TMPRSS15: variants seen among roughly 807,000 people sequenced by gnomAD.
The protein encoded by TMPRSS15 is enteropeptidase.
A neutral mutation model predicts 125.3 loss-of-function variants in TMPRSS15; 128 were observed. That is an observed-to-expected ratio of 1.02 (90% CI 0.89 to 1.18). The LOEUF (loss-of-function observed/expected upper bound fraction) is 1.18, where lower values mean the gene tolerates loss of function less well. Among genes scored for constraint, TMPRSS15 ranks in the 50% most tolerant of loss-of-function variants. The probability of loss-of-function intolerance (pLI) is 0.00; values close to 1 mark genes in which losing one functional copy is unlikely to be tolerated. For missense variants in TMPRSS15, 1,283 were observed against 1,212.7 expected (o/e 1.06, Z -0.86); for synonymous variants, 446 against 423.2 (o/e 1.05, Z -0.66).
At chr21:18,358,670 T>C (rs1449704324) in intron 8 of TMPRSS15, among the ~76,000 whole-genome samples, 1 of 151,986 alleles carries the variant, frequency 6.6e-6, no homozygotes, top group Non-Finnish European at 1.5e-5. Context: ...GATTTCTGCC[T>C]CCAACACTGT....
rs1429773607 is a variant in TMPRSS15 at position 18,341,443 on chromosome 21, A to T, written c.1534T>A (p.Leu512Met). ...AGTTCTGGTGGAGGAGTTGGCACCA[A>T]AGTTGGTTCTGGATAAAGACTCCCA... ...CNGSLYPEPTLVPTPPPELPT... is the reference protein window; with the variant it reads ...CNGSLYPEPTMVPTPPPELPT... Residue 512 changes from leucine to methionine, a missense_variant, in exon 13 of 25, where the codon TTG becomes ATG. Leu to Met is a conservative substitution (Grantham distance 15, BLOSUM62 2). Transcript: ENST00000284885. 1 of 1,614,144 alleles carries T rather than the reference A, an allele frequency of 6.2e-7. No homozygotes were observed. Among genetic ancestry groups the T allele is most frequent in the South Asian group, 1.1e-5 (1 of 91,084 alleles).
intron 1 of TMPRSS15, among the ~76,000 whole-genome samples, chr21:18,424,285 C>T (rs2076198195): frequency 6.6e-6 from 1 of 152,164 alleles, no homozygotes; most frequent in South Asian, 2.1e-4. Flanking sequence ...CTTTTTCATG[C>T]TATTCAAATC....
chr21:18,307,657 G>GAAT (rs148604339), intron 18 of TMPRSS15, among the ~76,000 whole-genome samples: 1,915 of 152,012 alleles, frequency 0.013, 35 homozygotes, highest in African/African-American at 0.042. Flanking sequence ...TCTGACCCAG[G>GAAT]AATAATAATA....
chr21:18,347,586 G>A (rs967724737), intron 10 of TMPRSS15, among the ~76,000 whole-genome samples: 1 of 152,038 alleles, frequency 6.6e-6, no homozygotes, highest in African/African-American at 2.4e-5. Flanking sequence ...AGAACTTTTG[G>A]AAACAAGAAA....
chr21:18,316,640 A>AAGAAGAAACTGGGTAG (rs1569003314), intron 16 of TMPRSS15, among the ~76,000 whole-genome samples: 1 of 152,206 alleles, frequency 6.6e-6, no homozygotes, highest in Non-Finnish European at 1.5e-5. Flanking sequence ...AACCTGGGCA[A>AAGAAGAAACTGGGTAG]AGAAGAAACT....
chr21:18,391,547 C>A (rs1045637383), intron 3 of TMPRSS15, among the ~76,000 whole-genome samples: 10 of 152,340 alleles, frequency 6.6e-5, no homozygotes, highest in African/African-American at 2.4e-4. Context: ...CGGTCTTGGG[C>A]AGCTCCACCC....
chr21:18,338,194 A>T (rs2075411705), intron 13 of TMPRSS15, among the ~76,000 whole-genome samples: 1 of 152,128 alleles, frequency 6.6e-6, no homozygotes. Context: ...GATGTAAAAA[A>T]GTTACCTCAA....
At chr21:18,318,289 C>T (rs779891248) in intron 16 of TMPRSS15, among the ~76,000 whole-genome samples, 5 of 152,064 alleles carry the variant, frequency 3.3e-5, no homozygotes, top group Admixed American at 2.0e-4. Context: ...GGTGTATTGT[C>T]TATAGTGCAA....
chr21:18,333,811 A>C (rs1361303402), intron 13 of TMPRSS15, among the ~76,000 whole-genome samples: 2 of 152,056 alleles, frequency 1.3e-5, no homozygotes, highest in Non-Finnish European at 2.9e-5. Flanking sequence ...AATTCTTAAC[A>C]TACTTTGTTG....
At chr21:18,278,941 T>G in intron 23 of TMPRSS15, 23 bp downstream of exon 23, 2 of 968,542 alleles carry the variant, frequency 2.1e-6, no homozygotes, top group Non-Finnish European at 3.1e-6. Context: ...TTTTTTTTTT[T>G]TTTTTTGAGT....
chr21:18,405,194 CAT>C (rs911525666), upstream of TMPRSS15, among the ~76,000 whole-genome samples: 1 of 152,154 alleles, frequency 6.6e-6, no homozygotes, highest in African/African-American at 2.4e-5. Context: ...AGTGAGTTCA[CAT>C]GTCTGCTTCA....
chr21:18,443,847 C>T (rs558037208), intron 1 of TMPRSS15, among the ~76,000 whole-genome samples: 13 of 152,326 alleles, frequency 8.5e-5, no homozygotes, highest in East Asian at 5.8e-4. Flanking sequence ...CTAGCAGTAC[C>T]GCTTTTGTGT....
rs2146914636 is a variant in TMPRSS15, at chr21:18,302,143, A to G, written c.2166-4314T>C. Reference sequence around the variant, plus strand: ...TGGACACACTAAAGCTAAAAAGAATAATAATGCATGCTGCAAATACTGCAA... The same window carrying G: ...TGGACACACTAAAGCTAAAAAGAATGATAATGCATGCTGCAAATACTGCAA... On this transcript the variant is annotated intron_variant, in intron 18 of 24. Transcript: ENST00000284885. Among the ~76,000 whole-genome samples the G allele has an allele frequency of 2.0e-5, 3 of 152,352 alleles. 1 individual carries two copies. The East Asian group carries it at 5.8e-4, about 29-fold the overall frequency.
chr21:18,313,630 A>G (rs1365020167), intron 17 of TMPRSS15, among the ~76,000 whole-genome samples: 1 of 151,884 alleles, frequency 6.6e-6, no homozygotes, highest in African/African-American at 2.4e-5. Context: ...TAATATTTCG[A>G]GTTTAGAGAT....
intron 3 of TMPRSS15, among the ~76,000 whole-genome samples, chr21:18,395,732 C>G (rs992172161): frequency 2.6e-5 from 4 of 152,026 alleles, no homozygotes. Flanking sequence ...AGACATAAAC[C>G]TTAAATATCA....
chr21:18,349,952 C>T (rs927523354), intron 10 of TMPRSS15, among the ~76,000 whole-genome samples: 11 of 152,040 alleles, frequency 7.2e-5, no homozygotes, highest in African/African-American at 2.2e-4. Context: ...GACATAAGAG[C>T]AGAAAAATGA....
intron 3 of TMPRSS15, among the ~76,000 whole-genome samples, chr21:18,394,695 CAAT>C (rs771813699): frequency 9.9e-5 from 15 of 151,146 alleles, no homozygotes; most frequent in South Asian, 4.2e-4. Flanking sequence ...ACTAAAACAA[CAAT>C]GAGGTCATTA....
At chr21:18,428,259 C>A (rs1032501360) in intron 1 of TMPRSS15, among the ~76,000 whole-genome samples, 31 of 151,992 alleles carry the variant, frequency 2.0e-4, no homozygotes, top group Admixed American at 2.0e-3. Context: ...GACTTGGGTG[C>A]GTTAAAGGTA....
intron 16 of TMPRSS15, among the ~76,000 whole-genome samples, chr21:18,324,247 G>T (rs1315685498): frequency 2.6e-5 from 4 of 151,950 alleles, no homozygotes; most frequent in Non-Finnish European, 4.4e-5. Flanking sequence ...TTTCAAATTT[G>T]GTTTGGTGTT....
Sources: gnomAD v4.1 joint callset for allele counts (sites outside exome capture counted in the v4.1 genomes callset) on GRCh38, gnomAD v4.1.1 for gene constraint, MANE v1.5 for transcripts, NCBI Gene and HGNC (gene_info 2026-07-23, HGNC 2026-07-21) for gene names.